The following BFAR variants were observed in gnomAD, a reference collection of about 807,000 sequenced individuals.
BFAR encodes RING finger protein 47.
Under a neutral mutation model 54.4 loss-of-function variants are expected in BFAR, and 52 were observed. The ratio of observed to expected loss-of-function variants is 0.96; its 90% CI spans 0.77 to 1.21. The LOEUF is 1.21. Ranked by LOEUF, BFAR falls within the 50% of genes most tolerant of loss-of-function variation. The pLI is 0.00. For missense variants in BFAR, 571 were observed against 534.0 expected (o/e 1.07, Z -0.68); for synonymous variants, 215 against 204.3 (o/e 1.05, Z -0.45).
chr16:14,657,508 A>G (rs1398493255), intron 5 of BFAR, among the ~76,000 whole-genome samples: 1 of 151,212 alleles, frequency 6.6e-6, no homozygotes, highest in East Asian at 2.0e-4. Context: ...TCGGCCTCCC[A>G]AAGTGCTGGG....
In BFAR at chr16:14,662,037, C is replaced by T; in HGVS notation, c.929C>T (p.Ser310Phe). 6.2e-7 allele frequency: 1 copy of T among 1,614,182 alleles called. No homozygotes were observed. Among genetic ancestry groups the T allele is most frequent in the East Asian group, 2.2e-5 (1 of 44,880 alleles). ...ATCTGCCCTCTGCAAGAAGACAGCT[C>T]TGGGGAGGACATCGTCACCAAGCTT... ...HTICPLQEDS[S>F]GEDIVTKLLD... The change falls in exon 6 of 8, where the codon TCT becomes TTT. Residue 310 changes from serine (S) to phenylalanine (F), a missense_variant. Transcript: ENST00000261658.
At position 14,649,984 on chromosome 16, in the gene BFAR, A is replaced by G. The variant is rs1959922092; in HGVS notation, c.638+11A>G. 2 of 1,601,826 alleles carry G rather than the reference A, an allele frequency of 1.2e-6. No individual in the cohort carries two copies. Among genetic ancestry groups the G allele is most frequent in the African/African-American group, 2.7e-5 (2 of 74,554 alleles). ...ACGAGTAAATGGAAGGTGAGGAGCAAAGTCTTCTGACACACCGTGGACATT... is the reference window on the plus strand; with the variant it reads ...ACGAGTAAATGGAAGGTGAGGAGCAGAGTCTTCTGACACACCGTGGACATT... On this transcript the variant is annotated intron_variant, in intron 4 of 7. Coordinates refer to ENST00000261658, the MANE Select transcript of BFAR (RefSeq NM_016561.3).
Position 14,644,533 on chromosome 16 carries a change from G to T in BFAR, c.187G>T (p.Ala63Ser), listed in dbSNP as rs1959729624. Residue 63 changes from alanine to serine, a missense_variant, in exon 2 of 8, where the codon GCA becomes TCA. Coordinates refer to ENST00000261658, the MANE Select transcript of BFAR (RefSeq NM_016561.3). ...FCRHCLALWW[A>S]SSKKTECPEC... ...CCGTCACTGCCTTGCTTTATGGTGG[G>T]CATCTTCAAAGAAAACAGAATGTCC... is the stretch of plus-strand genomic sequence containing the variant. 6.2e-7 allele frequency: 1 copy of T among 1,613,880 alleles called. No homozygotes were observed. The highest frequency in any genetic ancestry group is 1.3e-5 in the African/African-American group (1 of 74,864).
At chr16:14,649,070 CTTTTTTTTTTTT>C (rs544187036) in intron 3 of BFAR, among the ~76,000 whole-genome samples, 2 of 104,472 alleles carry the variant, frequency 1.9e-5, no homozygotes, top group African/African-American at 3.8e-5. Context: ...ATCTCTTGCT[CTTTTTTTTTTTT>C]TTTTTTTTTT....
At chr16:14,648,316 G>C in intron 2 of BFAR, 72 bp from the exon 3 acceptor site, 3 of 1,196,996 alleles carry the variant, frequency 2.5e-6, no homozygotes, top group Non-Finnish European at 2.4e-6. Flanking sequence ...TTGACTATCA[G>C]GGCTTTTTTG....
At chr16:14,657,240 TTTTTGTTTTG>T (rs537636988) in intron 5 of BFAR, among the ~76,000 whole-genome samples, 7 of 151,918 alleles carry the variant, frequency 4.6e-5, no homozygotes, top group African/African-American at 1.7e-4. Flanking sequence ...TTGGTTTTTG[TTTTTGTTTTG>T]TTTTGTTTTG....
chr16:14,651,617 C>G (rs1253248739), intron 4 of BFAR, among the ~76,000 whole-genome samples: 4 of 152,098 alleles, frequency 2.6e-5, no homozygotes, highest in African/African-American at 9.7e-5. Context: ...GTAGCTGGGA[C>G]TGCAGGCACA....
chr16:14,655,282 G>C (rs1344570149), intron 5 of BFAR, 72 bp downstream of exon 5: 2 of 1,107,574 alleles, frequency 1.8e-6, no homozygotes, highest in African/African-American at 3.4e-5. Flanking sequence ...TTTAATTTCA[G>C]GGTTTTCTTT....
Position 14,649,958 on chromosome 16 carries a change from A to G in BFAR, c.623A>G (p.Glu208Gly). Residue 208 changes from glutamate (E) to glycine (G), a missense_variant, in exon 4 of 8, where the codon GAA becomes GGA. Transcript: ENST00000261658. ...ASLYRERFLS[E>G]RVNGRLLLTL... ...CTTTACAGGGAAAGGTTTTTATCTG[A>G]ACGAGTAAATGGAAGGTGAGGAGCA... 6.2e-7 allele frequency: 1 copy of G among 1,608,472 alleles called. No homozygotes were observed.
chr16:14,656,531 C>T (rs868559631), intron 5 of BFAR, among the ~76,000 whole-genome samples: 29 of 151,758 alleles, frequency 1.9e-4, no homozygotes, highest in African/African-American at 6.8e-4. Flanking sequence ...CTGCCTGGGC[C>T]AGCTCCTCCA....
At chr16:14,647,500 C>T (rs1959835918) in intron 2 of BFAR, among the ~76,000 whole-genome samples, 1 of 151,830 alleles carries the variant, frequency 6.6e-6, no homozygotes, top group Admixed American at 6.6e-5. Flanking sequence ...AATTCAAGAC[C>T]AGCCTAGCCA....
intron 1 of BFAR, among the ~76,000 whole-genome samples, chr16:14,633,765 G>C (rs1959342520): frequency 6.6e-6 from 1 of 152,168 alleles, no homozygotes; most frequent in Admixed American, 6.5e-5. Context: ...CGATTCTCTT[G>C]CCTCAGCCTT....
chr16:14,639,629 AAGTTCTTT>A (rs1165128193), intron 1 of BFAR, among the ~76,000 whole-genome samples: 1 of 152,152 alleles, frequency 6.6e-6, no homozygotes, highest in Admixed American at 6.5e-5. Flanking sequence ...GGCCAGAAAC[AAGTTCTTT>A]AGTTACATGC....
intron 6 of BFAR, among the ~76,000 whole-genome samples, chr16:14,663,432 T>C (rs1016994460): frequency 7.9e-5 from 12 of 151,998 alleles, no homozygotes; most frequent in South Asian, 2.1e-4. Context: ...CCCGGGTTCA[T>C]GCCATTCTCC....
At position 14,664,987 on chromosome 16, in the gene BFAR, C is replaced by G. The variant is rs770848303; in HGVS notation, c.1076C>G (p.Ser359Ter). 2 of 1,614,004 alleles carry G rather than the reference C, an allele frequency of 1.2e-6. No individual in the cohort carries two copies. Among genetic ancestry groups the G allele is most frequent in the East Asian group, 2.2e-5 (1 of 44,894 alleles). ...TGGTTGGAGGTCCATTACTGGACAT[C>G]ACGGTTTCTCATCATCAATGCTATG... ...WDWLEVHYWTSRFLIINAMLL... is the reference protein window; with the variant it reads ...WDWLEVHYWT The change falls in exon 7 of 8, where the codon TCA becomes TGA. Residue 359 changes from serine (S) to a stop codon, truncating the protein, a stop_gained. Transcript: ENST00000261658. LOFTEE classifies it high-confidence loss of function.
intron 4 of BFAR, among the ~76,000 whole-genome samples, chr16:14,654,684 G>A (rs1465731227): frequency 1.3e-5 from 2 of 151,704 alleles, no homozygotes; most frequent in Admixed American, 6.6e-5. Context: ...TAGTAGAGAC[G>A]TGGTTTCACC....
chr16:14,656,058 A>T (rs1257918373), intron 5 of BFAR, among the ~76,000 whole-genome samples: 1 of 151,988 alleles, frequency 6.6e-6, no homozygotes, highest in Admixed American at 6.6e-5. Context: ...AAAATCACAA[A>T]AATTAGCTGG....
intron 4 of BFAR, among the ~76,000 whole-genome samples, chr16:14,653,532 G>A (rs1960035260): frequency 1.3e-5 from 2 of 151,918 alleles, no homozygotes; most frequent in Admixed American, 1.3e-4. Flanking sequence ...CACCACGTTG[G>A]CCAGGCTGGT....
chr16:14,654,008 T>A (rs1236468843), intron 4 of BFAR, among the ~76,000 whole-genome samples: 277 of 135,708 alleles, frequency 2.0e-3, no homozygotes, highest in African/African-American at 7.4e-3. Context: ...TCTAAGAACT[T>A]TTTTTTTTTT....
Sources: gnomAD v4.1 joint callset for allele counts (sites outside exome capture counted in the v4.1 genomes callset) on GRCh38, gnomAD v4.1.1 for gene constraint, MANE v1.5 for transcripts, NCBI Gene and HGNC (gene_info 2026-07-23, HGNC 2026-07-21) for gene names.